Variants in RAP1A observed in about 807,000 individuals in gnomAD.
The protein encoded by RAP1A is ras-related protein Rap-1A.
In RAP1A, 6 loss-of-function variants were observed where a neutral mutation model predicts 26.4. The ratio of observed to expected loss-of-function variants is 0.23; its 90% CI spans 0.12 to 0.45. The LOEUF is 0.45. Ranked by LOEUF, RAP1A falls within the 20% of genes least tolerant of loss-of-function variation. RAP1A has a pLI of 0.99. For missense variants in RAP1A, 121 were observed against 217.2 expected, an observed-to-expected ratio of 0.56 and a Z score of 2.78; for synonymous variants, 73 against 79.4, an observed-to-expected ratio of 0.92 and a Z score of 0.43.
chr1:111,614,589 G>A (rs1320192918), intron 1 of RAP1A, among the ~76,000 whole-genome samples: 1 of 152,138 alleles, frequency 6.6e-6, no homozygotes, highest in Non-Finnish European at 1.5e-5. Context: ...GAAATTCTCA[G>A]CCAATAATAA....
At chr1:111,611,412 A>G (rs1328453695) in intron 1 of RAP1A, among the ~76,000 whole-genome samples, 8 of 152,228 alleles carry the variant, frequency 5.3e-5, no homozygotes, top group Non-Finnish European at 7.3e-5. Context: ...GTAAAGTGAC[A>G]GTACCATGGA....
At chr1:111,670,834 T>C (rs846260) in intron 1 of RAP1A, among the ~76,000 whole-genome samples, 17,926 of 152,264 alleles carry the variant, frequency 0.12, 1,401 homozygotes, top group East Asian at 0.21. Context: ...TGGTAGATTA[T>C]TGTATCTGTT....
chr1:111,584,125 A>T (rs2800879), intron 1 of RAP1A, among the ~76,000 whole-genome samples: 137 of 151,534 alleles, frequency 9.0e-4, no homozygotes, highest in South Asian at 2.9e-3. Context: ...CAGGTGATCC[A>T]CCCGCCTCGG....
intron 2 of RAP1A, among the ~76,000 whole-genome samples, chr1:111,691,953 T>C (rs564282225): frequency 6.6e-6 from 1 of 152,330 alleles, no homozygotes; most frequent in Non-Finnish European, 1.5e-5. Flanking sequence ...ACTACTTGGT[T>C]CTACTTGTGA....
chr1:111,688,073 T>C (rs1042335540), intron 1 of RAP1A, among the ~76,000 whole-genome samples: 2 of 142,582 alleles, frequency 1.4e-5, no homozygotes, highest in South Asian at 4.4e-4. Flanking sequence ...TTTAAATGTA[T>C]GCTGGTGAAC....
At chr1:111,598,449 A>G (rs1180168485) in intron 1 of RAP1A, among the ~76,000 whole-genome samples, 1 of 151,846 alleles carries the variant, frequency 6.6e-6, no homozygotes, top group Non-Finnish European at 1.5e-5. Context: ...TATCCTGCCT[A>G]CCCTTTGAGG....
At chr1:111,699,217 A>G (rs978573100) in intron 4 of RAP1A, among the ~76,000 whole-genome samples, 1 of 151,918 alleles carries the variant, frequency 6.6e-6, no homozygotes, top group African/African-American at 2.4e-5. Flanking sequence ...TTTCACATAC[A>G]CTGATTCAAT....
At chr1:111,589,745 T>G (rs1034803266) in intron 1 of RAP1A, among the ~76,000 whole-genome samples, 2 of 152,124 alleles carry the variant, frequency 1.3e-5, no homozygotes, top group African/African-American at 2.4e-5. Context: ...AGGGTCTCAC[T>G]TTGTCACCCA....
At chr1:111,615,288 A>T (rs576026984), upstream of RAP1A, among the ~76,000 whole-genome samples, 3 of 151,844 alleles carry the variant, frequency 2.0e-5, no homozygotes, top group African/African-American at 7.3e-5. Flanking sequence ...CTTCAGGAAG[A>T]TGGTTTTGGC....
At chr1:111,599,932 C>T (rs1026363248) in intron 1 of RAP1A, 2 of 152,032 alleles carry the variant, frequency 1.3e-5, no homozygotes, top group African/African-American at 4.8e-5. Context: ...AGTTCTGCCT[C>T]GTGAGATAAG....
At chr1:111,621,446 T>C (rs967896272) in intron 1 of RAP1A, among the ~76,000 whole-genome samples, 3 of 152,230 alleles carry the variant, frequency 2.0e-5, no homozygotes, top group Non-Finnish European at 4.4e-5. Context: ...AGCGTGATAT[T>C]TCAGTGAATC....
intron 1 of RAP1A, among the ~76,000 whole-genome samples, chr1:111,661,248 T>C (rs1571539587): frequency 1.3e-5 from 2 of 152,310 alleles, no homozygotes; most frequent in South Asian, 2.1e-4. Flanking sequence ...CTGGAGGGAT[T>C]CGGAGGAGGT....
Position 111,552,759 on chromosome 1 carries a change from G to A in RAP1A, c.-28+10250G>A, listed in dbSNP as rs149646044. The stretch of plus-strand genomic sequence containing the variant: ...TACCACTTCCTACATGCATGACCTG[G>A]AGCAAGCCAATTAAAACTTTTTATG... On this transcript the variant is annotated intron_variant, in intron 1 of 7. Coordinates refer to the RAP1A transcript ENST00000356415. 3.0e-3 allele frequency among the ~76,000 whole-genome samples: 450 copies of A among 152,202 alleles called. 2 individuals are homozygous for A. The highest frequency in any genetic ancestry group is 5.4e-3 in the Non-Finnish European group (370 of 68,010).
chr1:111,573,012 T>C (rs753871394), intron 1 of RAP1A, among the ~76,000 whole-genome samples: 2 of 152,232 alleles, frequency 1.3e-5, no homozygotes, highest in Non-Finnish European at 2.9e-5. Context: ...TGGTTTTCTG[T>C]TCCTGTGTTA....
chr1:111,689,208 A>G (rs1396487366), intron 1 of RAP1A, among the ~76,000 whole-genome samples: 1 of 151,836 alleles, frequency 6.6e-6, no homozygotes, highest in Non-Finnish European at 1.5e-5. Context: ...TTCCAGTTAC[A>G]TATATATTAT....
intron 3 of RAP1A, 104 bp from the exon 4 acceptor site, chr1:111,697,337 G>A: frequency 6.3e-7 from 1 of 1,586,020 alleles, no homozygotes; most frequent in South Asian, 1.1e-5. Context: ...GCTGGAGACA[G>A]GCTTTGTATT....
At chr1:111,593,113 T>G (rs936051231) in intron 1 of RAP1A, among the ~76,000 whole-genome samples, 2 of 152,086 alleles carry the variant, frequency 1.3e-5, no homozygotes, top group African/African-American at 4.8e-5. Flanking sequence ...TGTGTTGGCT[T>G]GCAAAGGTGA....
chr1:111,708,304 G>A lies in RAP1A; in HGVS notation c.469-845G>A, dbSNP rs541128005. 4.6e-5 allele frequency among the ~76,000 whole-genome samples: 7 copies of A among 152,238 alleles called. No individual in the cohort carries two copies. The South Asian group carries it at 8.3e-4, about 18-fold the overall frequency. On this transcript the variant is annotated intron_variant, in intron 6 of 7. Coordinates refer to ENST00000369709, the MANE Select transcript of RAP1A (RefSeq NM_002884.4). The stretch of plus-strand genomic sequence containing the variant: ...AGGCAAACAAAAATCATGCGCCTCC[G>A]CATGTGATACCTTGAAAGGGAGACA...
chr1:111,632,764 C>G (rs1024917956), intron 1 of RAP1A, among the ~76,000 whole-genome samples: 11 of 151,172 alleles, frequency 7.3e-5, no homozygotes, highest in Admixed American at 6.6e-5. Context: ...AAAAAAAATA[C>G]AAAAAAACTA....
Sources: gnomAD v4.1 joint callset for allele counts (sites outside exome capture counted in the v4.1 genomes callset) on GRCh38, gnomAD v4.1.1 for gene constraint, MANE v1.5 for transcripts, NCBI Gene and HGNC (gene_info 2026-07-23, HGNC 2026-07-21) for gene names.